The following CTIF variants were observed in gnomAD, a reference collection of about 807,000 sequenced individuals.
CTIF encodes the protein cap binding complex dependent translation initiation factor.
CTIF carries 21 observed loss-of-function variants against 66.0 expected under a neutral mutation model. That is an observed-to-expected ratio of 0.32 (90% CI 0.23 to 0.46). The LOEUF (loss-of-function observed/expected upper bound fraction) is 0.46. Ranked by LOEUF, CTIF falls within the 20% of genes least tolerant of loss-of-function variation. The pLI is 1.00. For synonymous variants in CTIF, 345 were observed against 326.4 expected, an observed-to-expected ratio of 1.06 and a Z score of -0.62; for missense variants, 739 against 812.7, an observed-to-expected ratio of 0.91 and a Z score of 1.10.
At chr18:48,595,793 C>G (rs1024349872) in intron 1 of CTIF, among the ~76,000 whole-genome samples, 1 of 152,086 alleles carries the variant, frequency 6.6e-6, no homozygotes, top group East Asian at 1.9e-4. Context: ...GGGATCTCTC[C>G]GAGGCTGCAA....
intron 1 of CTIF, among the ~76,000 whole-genome samples, chr18:48,599,640 G>A (rs914408481): frequency 2.6e-5 from 4 of 152,076 alleles, no homozygotes; most frequent in Non-Finnish European, 4.4e-5. Flanking sequence ...GTGTGGGCAC[G>A]TCTTAGTGCC....
chr18:48,774,478 G>A lies in CTIF; in HGVS notation c.1371+12789G>A, dbSNP rs143201663. Among the ~76,000 whole-genome samples the A allele has an allele frequency of 4.5e-3, 683 of 152,236 alleles. 2 individuals carry two copies. Among genetic ancestry groups the A allele is most frequent in the Middle Eastern group, 0.01 (3 of 294 alleles). On this transcript the variant is annotated intron_variant, in intron 9 of 11. Transcript: ENST00000256413. ...CAGGGAAAAACAGCGGCCTCTTTGG[G>A]GGGGACAGGGAGGAACCTGCAGGGA... is the stretch of plus-strand genomic sequence containing the variant.
intron 9 of CTIF, among the ~76,000 whole-genome samples, chr18:48,799,090 G>A (rs973797586): frequency 6.6e-6 from 1 of 152,198 alleles, no homozygotes; most frequent in Non-Finnish European, 1.5e-5. Flanking sequence ...CAGCAGCCTC[G>A]GGTCACGCGG....
intron 3 of CTIF, among the ~76,000 whole-genome samples, chr18:48,639,854 TG>T (rs1294366961): frequency 6.6e-6 from 1 of 152,106 alleles, no homozygotes; most frequent in East Asian, 1.9e-4. Context: ...CATCTGCCCG[TG>T]GGGACACCCA....
chr18:48,691,958 G>A (rs748004901), intron 6 of CTIF, among the ~76,000 whole-genome samples: 5 of 152,078 alleles, frequency 3.3e-5, no homozygotes, highest in South Asian at 2.1e-4. Flanking sequence ...TTCGGCTCAC[G>A]GCAACGTCTG....
In CTIF at chr18:48,619,642, G is replaced by T; in HGVS notation, c.77G>T (p.Arg26Leu). Reference sequence around the variant, plus strand: ...TCCCAGGAGATCGAGGAGCTGGAGCGCTTCATCGACAGCTACGTGCTGGAG... The same window carrying T: ...TCCCAGGAGATCGAGGAGCTGGAGCTCTTCATCGACAGCTACGTGCTGGAG... Reference protein sequence around the residue: ...SRSQEIEELERFIDSYVLEYQ... With the variant: ...SRSQEIEELELFIDSYVLEYQ... The change falls in exon 2 of 12, where the codon CGC becomes CTC. Residue 26 changes from arginine (R) to leucine (L), a missense_variant. Arg to Leu is a moderately radical substitution (Grantham distance 102, BLOSUM62 -2). Transcript: ENST00000256413. 6.2e-7 allele frequency: 1 copy of T among 1,605,978 alleles called. No individual in the cohort carries two copies.
intron 6 of CTIF, among the ~76,000 whole-genome samples, chr18:48,708,906 G>A (rs1264411189): frequency 6.6e-6 from 1 of 152,126 alleles, no homozygotes; most frequent in African/African-American, 2.4e-5. Context: ...ATGAGGACAG[G>A]TGCCTGTGCT....
intron 1 of CTIF, among the ~76,000 whole-genome samples, chr18:48,549,450 A>C (rs1196184314): frequency 6.6e-6 from 1 of 152,196 alleles, no homozygotes; most frequent in East Asian, 1.9e-4. Context: ...ACTCAGCCAG[A>C]AGTCTAAAGG....
intron 1 of CTIF, among the ~76,000 whole-genome samples, chr18:48,608,705 G>A (rs893200333): frequency 1.3e-5 from 2 of 152,240 alleles, no homozygotes; most frequent in Non-Finnish European, 2.9e-5. Context: ...CAAGGCCACA[G>A]CCTGCTGAGA....
intron 10 of CTIF, among the ~76,000 whole-genome samples, chr18:48,827,103 G>GA (rs1452820949): frequency 3.3e-5 from 5 of 152,106 alleles, no homozygotes; most frequent in Non-Finnish European, 5.9e-5. Flanking sequence ...AGCGAGCCGT[G>GA]GCCAGCTCCG....
At chr18:48,764,949 C>T (rs979836799) in intron 9 of CTIF, among the ~76,000 whole-genome samples, 8 of 152,212 alleles carry the variant, frequency 5.3e-5, no homozygotes, top group African/African-American at 1.9e-4. Flanking sequence ...GGCCCCCTGA[C>T]TCCAAGGCCC....
Position 48,589,611 on chromosome 18 carries a change from T to C in CTIF, c.-28-29927T>C, listed in dbSNP as rs2089846039. Reference sequence around the variant, plus strand: ...CAGTGTGGTCCATGTCACTTGTTTTTGTGGTGCTAGAGAGGGACCGTGAGG... The same window carrying C: ...CAGTGTGGTCCATGTCACTTGTTTTCGTGGTGCTAGAGAGGGACCGTGAGG... On this transcript the variant is annotated intron_variant, in intron 1 of 11. Transcript: ENST00000256413. Among the ~76,000 whole-genome samples the C allele has an allele frequency of 2.0e-5, 3 of 152,248 alleles. 1 individual carries two copies. The South Asian group carries it at 6.2e-4, about 32-fold the overall frequency.
At chr18:48,616,677 G>A (rs2090406234) in intron 1 of CTIF, among the ~76,000 whole-genome samples, 1 of 152,182 alleles carries the variant, frequency 6.6e-6, no homozygotes, top group Non-Finnish European at 1.5e-5. Context: ...TGACGTGTCT[G>A]GGACATGACA....
intron 10 of CTIF, among the ~76,000 whole-genome samples, chr18:48,855,402 G>A (rs2069305140): frequency 6.6e-6 from 1 of 152,218 alleles, no homozygotes; most frequent in Admixed American, 6.5e-5. Flanking sequence ...CATGAAATGT[G>A]CCAAAATGCT....
At chr18:48,843,959 C>T (rs918610886) in intron 10 of CTIF, among the ~76,000 whole-genome samples, 5 of 152,194 alleles carry the variant, frequency 3.3e-5, no homozygotes, top group African/African-American at 1.2e-4. Flanking sequence ...TGGTGCCTAA[C>T]TCAGATCATC....
intron 8 of CTIF, among the ~76,000 whole-genome samples, chr18:48,759,565 C>T (rs1908752811): frequency 6.6e-6 from 1 of 152,206 alleles, no homozygotes; most frequent in Non-Finnish European, 1.5e-5. Flanking sequence ...GCTGAGCAGG[C>T]TCAGACCTCA....
Position 48,859,767 on chromosome 18 carries a change from T to C in CTIF, c.*208T>C. 1 of 697,854 alleles carries C rather than the reference T, an allele frequency of 1.4e-6. No individual in the cohort carries two copies. Among genetic ancestry groups the C allele is most frequent in the African/African-American group, 1.7e-5 (1 of 57,164 alleles). 43.2% of individuals were successfully genotyped at this position (697,854 alleles called of 1,614,324 possible). A position where few individuals can be genotyped will look rare whatever the true frequency, so the allele number is the denominator to read the frequency against. ...CCGCACAAGCCCCCCAGCCCGAGCA[T>C]GCAAGCTCACACCAATAAGGGAAGC... is the stretch of plus-strand genomic sequence containing the variant. On this transcript the variant is annotated 3_prime_UTR_variant, in exon 12 of 12. Transcript: ENST00000256413.
chr18:48,835,119 A>C (rs1449524789), intron 10 of CTIF, among the ~76,000 whole-genome samples: 1 of 152,214 alleles, frequency 6.6e-6, no homozygotes, highest in Non-Finnish European at 1.5e-5. Context: ...CTTGAGCCTC[A>C]GTTTCCATCA....
Position 48,837,973 on chromosome 18 carries a change from A to G in CTIF, c.1528-19615A>G, listed in dbSNP as rs556353204. Among the ~76,000 whole-genome samples the G allele has an allele frequency of 1.9e-3, 288 of 152,298 alleles. 1 individual carries two copies. The highest frequency in any genetic ancestry group is 6.5e-3 in the African/African-American group (271 of 41,554). The stretch of plus-strand genomic sequence containing the variant: ...AACTCTGATTTGGTTTTGCTGTCCA[A>G]TGCCAGAACGGGGGCACACTGAGGA... On this transcript the variant is annotated intron_variant, in intron 10 of 11. Coordinates refer to ENST00000256413, the MANE Select transcript of CTIF (RefSeq NM_014772.3).
Sources: allele counts gnomAD v4.1 joint callset (sites outside exome capture counted in the v4.1 genomes callset), GRCh38; gene constraint gnomAD v4.1.1; transcripts MANE v1.5; gene names NCBI Gene and HGNC (gene_info 2026-07-23, HGNC 2026-07-21).